The following FABP6 variants were observed in gnomAD, a reference collection of about 807,000 sequenced individuals.
The protein encoded by FABP6 is fatty acid binding protein 6, also known as gastrotropin.
A neutral mutation model predicts 14.9 loss-of-function variants in FABP6; 13 were observed. The observed-to-expected ratio is 0.87, with a 90% CI of 0.57 to 1.39. The LOEUF (loss-of-function observed/expected upper bound fraction) is 1.39. Ranked by LOEUF, FABP6 falls within the 40% of genes most tolerant of loss-of-function variation. The pLI is 0.00. For synonymous variants in FABP6, 75 were observed against 63.6 expected, an observed-to-expected ratio of 1.18 and a Z score of -0.85; for missense variants, 161 against 167.2, an observed-to-expected ratio of 0.96 and a Z score of 0.20.
chr5:160,229,657 G>A, intron 1 of FABP6, 33 bp downstream of exon 1: 3 of 1,610,716 alleles, frequency 1.9e-6, no homozygotes, highest in Non-Finnish European at 2.5e-6. Flanking sequence ...CTTCCTCGGG[G>A]TTGGTTTGTC....
chr5:160,212,128 C>T (rs1339034751), intron 2 of FABP6, among the ~76,000 whole-genome samples: 1 of 151,874 alleles, frequency 6.6e-6, no homozygotes, highest in African/African-American at 2.4e-5. Context: ...GCTGGGATTA[C>T]AGGCGCCTGC....
intron 2 of FABP6, among the ~76,000 whole-genome samples, chr5:160,206,427 CA>C (rs1210142765): frequency 1.3e-5 from 2 of 149,994 alleles, no homozygotes; most frequent in Non-Finnish European, 3.0e-5. Context: ...GACTCTGTCT[CA>C]AAAAAAACAA....
At chr5:160,232,045 C>A in intron 1 of FABP6, 53 bp from the exon 2 acceptor site, 1 of 1,591,518 alleles carries the variant, frequency 6.3e-7, no homozygotes, top group Non-Finnish European at 8.6e-7. Context: ...TTTCCCAAAC[C>A]ACAGGGTTAA....
chr5:160,222,856 A>G (rs148007406), intron 3 of FABP6, among the ~76,000 whole-genome samples: 67 of 152,332 alleles, frequency 4.4e-4, no homozygotes, highest in African/African-American at 1.5e-3. Context: ...GAGTTGTAAG[A>G]ATGTTCTAGA....
intron 2 of FABP6, among the ~76,000 whole-genome samples, chr5:160,213,487 G>A (rs1295381673): frequency 6.6e-6 from 1 of 152,226 alleles, no homozygotes; most frequent in Non-Finnish European, 1.5e-5. Context: ...AATCATTTCT[G>A]TGATGTGATT....
At chr5:160,202,197 T>C (rs533159708) in intron 2 of FABP6, among the ~76,000 whole-genome samples, 3 of 152,306 alleles carry the variant, frequency 2.0e-5, no homozygotes, top group Admixed American at 6.5e-5. Context: ...TCCTCAGTAT[T>C]GTCATTATCA....
intron 3 of FABP6, among the ~76,000 whole-genome samples, chr5:160,214,059 A>G (rs1759953525): frequency 6.6e-6 from 1 of 151,992 alleles, no homozygotes; most frequent in South Asian, 2.1e-4. Flanking sequence ...TTTTAACCTA[A>G]GCTAGCTCAA....
intron 3 of FABP6, among the ~76,000 whole-genome samples, chr5:160,218,461 C>CTTTTTTTTTTT (rs10692189): frequency 8.6e-6 from 1 of 116,412 alleles, no homozygotes; most frequent in Non-Finnish European, 1.7e-5. Context: ...TAGTCTTTGA[C>CTTTTTTTTTTT]TTTTTTTTTT....
intron 3 of FABP6, among the ~76,000 whole-genome samples, chr5:160,236,055 G>T (rs1760508365): frequency 1.4e-5 from 2 of 140,194 alleles, no homozygotes; most frequent in South Asian, 2.3e-4. Context: ...TTGCTCTGTT[G>T]TCCAGGCTGG....
At chr5:160,212,185 C>G (rs776422665) in intron 2 of FABP6, among the ~76,000 whole-genome samples, 6 of 151,840 alleles carry the variant, frequency 4.0e-5, no homozygotes, top group African/African-American at 1.2e-4. Flanking sequence ...GATGGAGTCT[C>G]TCTCTGTTGC....
At chr5:160,205,036 A>G (rs72643442) in intron 2 of FABP6, among the ~76,000 whole-genome samples, 13,127 of 152,168 alleles carry the variant, frequency 0.086, 799 homozygotes, top group East Asian at 0.35. Context: ...GGTGCCTCAG[A>G]TAGAGAAGCC....
rs376268576 is a variant in FABP6, at chr5:160,234,559, T to C, written c.244-261T>C. Among the ~76,000 whole-genome samples the C allele has an allele frequency of 2.3e-3, 353 of 152,096 alleles. 3 individuals carry two copies. Among genetic ancestry groups the C allele is most frequent in the African/African-American group, 8.1e-3 (334 of 41,486 alleles). The stretch of plus-strand genomic sequence containing the variant: ...CTCACGCCTCAGCCTCCCAAGTAGC[T>C]GGGATTACAGGCATGAGCCACCACA... On this transcript the variant is annotated intron_variant, in intron 2 of 3. Transcript: ENST00000402432.
intron 2 of FABP6, among the ~76,000 whole-genome samples, chr5:160,212,503 CTG>C (rs1222308405): frequency 6.6e-6 from 1 of 151,878 alleles, no homozygotes; most frequent in Non-Finnish European, 1.5e-5. Context: ...GAGTCTCACT[CTG>C]TCAACCAGGT....
upstream of FABP6, among the ~76,000 whole-genome samples, chr5:160,225,665 G>C (rs561744258): frequency 4.6e-4 from 70 of 152,140 alleles, no homozygotes; most frequent in Non-Finnish European, 1.3e-4. Flanking sequence ...CTCCCAAAGT[G>C]CTGGGATTAC....
At chr5:160,209,711 T>C (rs894359882) in intron 2 of FABP6, among the ~76,000 whole-genome samples, 2 of 152,112 alleles carry the variant, frequency 1.3e-5, no homozygotes, top group African/African-American at 4.8e-5. Flanking sequence ...TTTTTGTCTT[T>C]TTTTCCTTTT....
chr5:160,216,981 G>A (rs1312640739), intron 3 of FABP6, among the ~76,000 whole-genome samples: 7 of 152,132 alleles, frequency 4.6e-5, no homozygotes, highest in East Asian at 1.9e-4. Flanking sequence ...ATCCTCCTCC[G>A]CTTACCACCT....
intron 1 of FABP6, among the ~76,000 whole-genome samples, chr5:160,188,611 C>T (rs940895433): frequency 2.6e-5 from 4 of 152,322 alleles, no homozygotes; most frequent in Admixed American, 2.6e-4. Context: ...ACCCCAGGCC[C>T]GGAGGTGTCG....
At chr5:160,231,365 T>TA (rs1760376588) in intron 1 of FABP6, among the ~76,000 whole-genome samples, 1 of 152,220 alleles carries the variant, frequency 6.6e-6, no homozygotes, top group Non-Finnish European at 1.5e-5. Flanking sequence ...TCCTTATCTG[T>TA]AAAATAAAAG....
chr5:160,234,573 T>C (rs910399348), intron 2 of FABP6, among the ~76,000 whole-genome samples: 2 of 152,002 alleles, frequency 1.3e-5, no homozygotes, highest in African/African-American at 4.8e-5. Context: ...ATTACAGGCA[T>C]GAGCCACCAC....
Sources: allele counts gnomAD v4.1 joint callset (sites outside exome capture counted in the v4.1 genomes callset), GRCh38; gene constraint gnomAD v4.1.1; transcripts MANE v1.5; gene names NCBI Gene and HGNC (gene_info 2026-07-23, HGNC 2026-07-21).